The following PDLIM1 variants were observed in gnomAD, a reference collection of about 807,000 sequenced individuals.
PDLIM1 encodes PDZ and LIM domain protein 1.
A neutral mutation model predicts 35.2 loss-of-function variants in PDLIM1; 25 were observed. The ratio of observed to expected loss-of-function variants is 0.71; its 90% CI spans 0.52 to 0.99. PDLIM1 has a LOEUF of 0.99. Ranked by LOEUF, PDLIM1 falls within the 50% of genes least tolerant of loss-of-function variation. The pLI is 0.00. For synonymous variants in PDLIM1, 152 were observed against 154.0 expected (o/e 0.99, Z 0.10); for missense variants, 363 against 415.3 (o/e 0.87, Z 1.09).
At chr10:95,278,168 G>A (rs570385168) in intron 1 of PDLIM1, among the ~76,000 whole-genome samples, 1 of 152,322 alleles carries the variant, frequency 6.6e-6, no homozygotes, top group East Asian at 1.9e-4. Context: ...TGTGGTTTCT[G>A]GAGTCAGATG....
In PDLIM1 at chr10:95,238,594, C is replaced by A. The variant is rs368533526; in HGVS notation, c.777G>T (p.Met259Ile). Residue 259 changes from methionine to isoleucine, a missense_variant, in exon 6 of 7, where the codon ATG (methionine) becomes ATT (isoleucine). Met to Ile is a conservative substitution (Grantham distance 10, BLOSUM62 1). Coordinates refer to ENST00000329399, the MANE Select transcript of PDLIM1 (RefSeq NM_020992.4). ...ASIGNAQKLP[M>I]CDKCGTGIVG... The stretch of plus-strand genomic sequence containing the variant: ...CAATCCCAGTGCCACATTTGTCACA[C>A]ATAGGCAACTTCTGAGCATTTCCAA... 3 of 1,612,430 alleles carry A rather than the reference C, an allele frequency of 1.9e-6. No homozygotes were observed. The African/African-American group carries it at 4.0e-5, about 22-fold the overall frequency.
In PDLIM1 at chr10:95,237,843, T is replaced by C; in HGVS notation, c.*82A>G. ...GGAAAACCAAAGTAAGCAGAGAACT[T>C]TCAAGAGAGGAGAGGGCCAGAACAC... On this transcript the variant is annotated 3_prime_UTR_variant, in exon 7 of 7. Transcript: ENST00000329399. 1 of 1,250,470 alleles carries C rather than the reference T, an allele frequency of 8.0e-7. No homozygotes were observed. Among genetic ancestry groups the C allele is most frequent in the East Asian group, 2.4e-5 (1 of 41,684 alleles). 77.5% of individuals were successfully genotyped at this position (1,250,470 alleles called of 1,614,324 possible). A position where few individuals can be genotyped will look rare whatever the true frequency, so the allele number is the denominator to read the frequency against.
chr10:95,282,056 G>A (rs952521465), intron 1 of PDLIM1, among the ~76,000 whole-genome samples: 2 of 152,216 alleles, frequency 1.3e-5, no homozygotes, highest in Non-Finnish European at 2.9e-5. Context: ...GAAAGAGACA[G>A]CCTAAATAAC....
chr10:95,253,041 AG>A (rs2035279980), intron 4 of PDLIM1, among the ~76,000 whole-genome samples: 1 of 152,198 alleles, frequency 6.6e-6, no homozygotes, highest in Non-Finnish European at 1.5e-5. Context: ...AACAGGAAAC[AG>A]GATAAACCTA....
chr10:95,288,558 T>TA, intron 1 of PDLIM1, among the ~76,000 whole-genome samples: 1 of 151,694 alleles, frequency 6.6e-6, no homozygotes, highest in South Asian at 2.1e-4. Context: ...GCAGAGGTTT[T>TA]TTTTTTTAAG....
intron 4 of PDLIM1, 67 bp downstream of exon 4, chr10:95,263,796 CA>C: frequency 8.0e-7 from 1 of 1,254,288 alleles, no homozygotes; most frequent in Admixed American, 2.2e-5. Flanking sequence ...CCTGCCTGGG[CA>C]GCCCTGGTCC....
chr10:95,258,948 G>C (rs73315164), intron 4 of PDLIM1, among the ~76,000 whole-genome samples: 3,272 of 152,092 alleles, frequency 0.022, 108 homozygotes, highest in African/African-American at 0.066. Context: ...GCTAATCCCA[G>C]GTTACATACT....
At chr10:95,283,122 C>T (rs1043496544) in intron 1 of PDLIM1, among the ~76,000 whole-genome samples, 2 of 152,192 alleles carry the variant, frequency 1.3e-5, no homozygotes, top group African/African-American at 4.8e-5. Flanking sequence ...ATGCATCAAC[C>T]TCATCAGGTT....
At chr10:95,282,660 C>G (rs1003159296) in intron 1 of PDLIM1, among the ~76,000 whole-genome samples, 4 of 152,166 alleles carry the variant, frequency 2.6e-5, no homozygotes, top group African/African-American at 9.7e-5. Context: ...GTCATCGAGG[C>G]CAGGCGTGGT....
intron 4 of PDLIM1, 109 bp downstream of exon 4, chr10:95,263,755 C>A: frequency 1.4e-6 from 1 of 717,780 alleles, no homozygotes; most frequent in South Asian, 1.9e-5. Flanking sequence ...CTAATGTAGT[C>A]ATTTTTCTCC....
At chr10:95,243,244 A>G (rs10509684) in intron 5 of PDLIM1, among the ~76,000 whole-genome samples, 26,548 of 152,150 alleles carry the variant, frequency 0.17, 2,651 homozygotes, top group Middle Eastern at 0.43. Context: ...TTTTTCTCTC[A>G]CATATCCAGC....
At chr10:95,238,885 G>A in intron 5 of PDLIM1, 200 bp from the exon 6 acceptor site, 1 of 497,424 alleles carries the variant, frequency 2.0e-6, no homozygotes, top group Non-Finnish European at 3.6e-6. Flanking sequence ...TTAACACCTG[G>A]CCAAAGAAAA....
At chr10:95,268,984 G>A in intron 2 of PDLIM1, 122 bp from the exon 3 acceptor site, 1 of 675,706 alleles carries the variant, frequency 1.5e-6, no homozygotes, top group Middle Eastern at 2.4e-4. Context: ...CCTCCCATCA[G>A]CTCTACCTTC....
intron 4 of PDLIM1, among the ~76,000 whole-genome samples, chr10:95,256,980 A>AGAAAAGAAAAGAAAAG (rs748756563): frequency 8.8e-5 from 12 of 135,624 alleles, no homozygotes; most frequent in Admixed American, 4.7e-4. Flanking sequence ...ATCTTAAAAA[A>AGAAAAGAAAAGAAAAG]AAAAAAAAAG....
chr10:95,255,872 A>C (rs1375740701), intron 4 of PDLIM1, among the ~76,000 whole-genome samples: 1 of 150,064 alleles, frequency 6.7e-6, no homozygotes, highest in Non-Finnish European at 1.5e-5. Flanking sequence ...GATCGAATAC[A>C]CAGAAAACCC....
chr10:95,244,331 G>A (rs1319481796), intron 5 of PDLIM1, among the ~76,000 whole-genome samples: 2 of 152,184 alleles, frequency 1.3e-5, no homozygotes, highest in Non-Finnish European at 2.9e-5. Flanking sequence ...TACTCACTGT[G>A]CACCTGGCAG....
intron 4 of PDLIM1, among the ~76,000 whole-genome samples, chr10:95,257,091 C>T (rs994552146): frequency 2.0e-5 from 3 of 149,016 alleles, no homozygotes; most frequent in Non-Finnish European, 4.5e-5. Flanking sequence ...AAATATAAAA[C>T]TTCTAAAAGA....
At chr10:95,259,912 C>T (rs1030319080) in intron 4 of PDLIM1, among the ~76,000 whole-genome samples, 1 of 152,168 alleles carries the variant, frequency 6.6e-6, no homozygotes, top group Non-Finnish European at 1.5e-5. Flanking sequence ...ACCACCACCC[C>T]ATCAGTAAGC....
chr10:95,279,472 G>A (rs2035541560), intron 1 of PDLIM1, among the ~76,000 whole-genome samples: 1 of 152,276 alleles, frequency 6.6e-6, no homozygotes, highest in Admixed American at 6.5e-5. Context: ...TAATTGAGCA[G>A]AGCTTACTGG....
Sources: allele counts gnomAD v4.1 joint callset (sites outside exome capture counted in the v4.1 genomes callset), GRCh38; gene constraint gnomAD v4.1.1; transcripts MANE v1.5; gene names NCBI Gene and HGNC (gene_info 2026-07-23, HGNC 2026-07-21).